Variants in PCDHA10 observed in about 807,000 individuals in gnomAD.
PCDHA10 encodes protocadherin alpha 10, also known as protocadherin alpha-10.
A neutral mutation model predicts 61.2 loss-of-function variants in PCDHA10; 45 were observed. That is an observed-to-expected ratio of 0.74 (90% CI 0.58 to 0.94). The LOEUF (loss-of-function observed/expected upper bound fraction) is 0.94. PCDHA10 is among the 40% of genes least tolerant of loss of function. The pLI, the probability that PCDHA10 is intolerant of heterozygous loss-of-function variation, is 0.00. For synonymous variants in PCDHA10, 602 were observed against 548.8 expected (o/e 1.10, Z -1.35); for missense variants, 1,278 against 1,236.2 (o/e 1.03, Z -0.51).
At chr5:140,870,771 C>G (rs370490786) in intron 1 of PCDHA10, 13 of 1,613,466 alleles carry the variant, frequency 8.1e-6, no homozygotes, top group Non-Finnish European at 1.1e-5. Context: ...TCGTGCTGGA[C>G]GAGAACGACA....
At chr5:140,927,436 T>A (rs776039540) in intron 1 of PCDHA10, 1 of 1,614,132 alleles carries the variant, frequency 6.2e-7, no homozygotes, top group Non-Finnish European at 8.5e-7. Context: ...CGGCAGCGAA[T>A]ACCCGGAGTT....
chr5:140,901,440 G>C (rs187310877), intron 1 of PCDHA10, among the ~76,000 whole-genome samples: 22 of 152,214 alleles, frequency 1.4e-4, no homozygotes, highest in Admixed American at 5.2e-4. Flanking sequence ...TGGATATCTA[G>C]TTTCCCAGCA....
intron 1 of PCDHA10, among the ~76,000 whole-genome samples, chr5:140,873,969 A>T (rs1438036244): frequency 6.6e-6 from 1 of 152,224 alleles, no homozygotes; most frequent in Non-Finnish European, 1.5e-5. Context: ...CCTATTTTTT[A>T]AAATTAAAGT....
At chr5:141,002,733 G>T (rs556024108) in intron 3 of PCDHA10, among the ~76,000 whole-genome samples, 1 of 152,314 alleles carries the variant, frequency 6.6e-6, no homozygotes, top group Admixed American at 6.5e-5. Context: ...CACAGTAAAT[G>T]TTAACTACAT....
chr5:141,000,894 ATAGACGCT>A (rs1348330251), intron 3 of PCDHA10, among the ~76,000 whole-genome samples: 1 of 152,128 alleles, frequency 6.6e-6, no homozygotes, highest in African/African-American at 2.4e-5. Context: ...GGCAACAGAT[ATAGACGCT>A]GTCTCTAAAA....
intron 1 of PCDHA10, among the ~76,000 whole-genome samples, chr5:140,944,956 A>T (rs2093715486): frequency 6.6e-6 from 1 of 152,140 alleles, no homozygotes; most frequent in Non-Finnish European, 1.5e-5. Context: ...GAATAAGAGT[A>T]TTATCTTAAC....
chr5:140,968,095 TGGG>T (rs1554230332), intron 1 of PCDHA10: 1 of 1,613,884 alleles, frequency 6.2e-7, no homozygotes, highest in African/African-American at 1.3e-5. Flanking sequence ...CAGCCACAGA[TGGG>T]GGAATACCGC....
chr5:140,882,450 C>T (rs781827745), intron 1 of PCDHA10: 2 of 1,613,990 alleles, frequency 1.2e-6, no homozygotes, highest in Non-Finnish European at 1.7e-6. Flanking sequence ...GAGCTGGTGC[C>T]GCGCCTGTTC....
At chr5:140,965,827 A>G (rs2095939185) in intron 1 of PCDHA10, among the ~76,000 whole-genome samples, 1 of 152,172 alleles carries the variant, frequency 6.6e-6, no homozygotes, top group Non-Finnish European at 1.5e-5. Context: ...TAAACATTTA[A>G]ATATTGGTTA....
At chr5:140,858,647 A>T in intron 1 of PCDHA10, 1 of 821,512 alleles carries the variant, frequency 1.2e-6, no homozygotes, top group Non-Finnish European at 1.8e-6. Context: ...ATTGGTACTT[A>T]AATTTTTTTA....
At chr5:140,969,309 A>G in intron 1 of PCDHA10, 2 of 1,614,212 alleles carry the variant, frequency 1.2e-6, no homozygotes, top group Non-Finnish European at 1.7e-6. Context: ...ATTCTCAAAA[A>G]TGAGGCTGTT....
At chr5:140,880,045 G>A (rs1345443297) in intron 1 of PCDHA10, among the ~76,000 whole-genome samples, 2 of 152,164 alleles carry the variant, frequency 1.3e-5, no homozygotes, top group Admixed American at 6.5e-5. Flanking sequence ...GGATTAAGAT[G>A]TGGGCATAAC....
chr5:140,924,103 TC>T (rs1377290150), intron 1 of PCDHA10, among the ~76,000 whole-genome samples: 1 of 152,234 alleles, frequency 6.6e-6, no homozygotes, highest in African/African-American at 2.4e-5. Flanking sequence ...AAATTTTCAT[TC>T]CAAAGCAGTT....
chr5:140,876,789 T>C (rs782509311), intron 1 of PCDHA10: 97 of 1,614,054 alleles, frequency 6.0e-5, no homozygotes, highest in Non-Finnish European at 7.5e-5. Context: ...GGGCCACGGC[T>C]AGAGTGTCCG....
At chr5:140,998,054 A>G (rs562918919) in intron 3 of PCDHA10, among the ~76,000 whole-genome samples, 37 of 152,304 alleles carry the variant, frequency 2.4e-4, no homozygotes, top group African/African-American at 8.9e-4. Flanking sequence ...CAGTGACATC[A>G]TCATCAACAG....
intron 1 of PCDHA10, among the ~76,000 whole-genome samples, chr5:140,885,084 A>C (rs1313908585): frequency 6.6e-6 from 1 of 152,198 alleles, no homozygotes; most frequent in South Asian, 2.1e-4. Context: ...AAAGAGCCCC[A>C]TAACTTTTCA....
intron 1 of PCDHA10, among the ~76,000 whole-genome samples, chr5:140,888,214 G>T (rs2061741689): frequency 6.6e-6 from 1 of 152,130 alleles, no homozygotes; most frequent in African/African-American, 2.4e-5. Context: ...TGGATTTTGT[G>T]TGTGTGTGCA....
intron 1 of PCDHA10, among the ~76,000 whole-genome samples, chr5:140,879,240 C>T (rs1266442175): frequency 6.6e-6 from 1 of 152,134 alleles, no homozygotes; most frequent in Non-Finnish European, 1.5e-5. Flanking sequence ...ACAAGAGGCA[C>T]TGGCAAAGTA....
intron 1 of PCDHA10, among the ~76,000 whole-genome samples, chr5:140,926,200 G>A (rs1050721250): frequency 6.6e-6 from 1 of 151,674 alleles, no homozygotes; most frequent in Non-Finnish European, 1.5e-5. Context: ...ACTTCTTTCG[G>A]GGGGCTCCTG....
Sources: gnomAD v4.1 joint callset for allele counts (sites outside exome capture counted in the v4.1 genomes callset) on GRCh38, gnomAD v4.1.1 for gene constraint, MANE v1.5 for transcripts, NCBI Gene and HGNC (gene_info 2026-07-23, HGNC 2026-07-21) for gene names.